URB1: variants seen among roughly 807,000 people sequenced by gnomAD.
The protein encoded by URB1 is nucleolar pre-ribosomal-associated protein 1.
Under a neutral mutation model 242.3 loss-of-function variants are expected in URB1, and 197 were observed. The ratio of observed to expected loss-of-function variants is 0.81; its 90% CI spans 0.72 to 0.91. URB1 has a LOEUF of 0.91. URB1 is among the 40% of genes least tolerant of loss of function. The pLI is 0.00. For missense variants in URB1, 2,721 were observed against 2,860.5 expected, an observed-to-expected ratio of 0.95 and a Z score of 1.11; for synonymous variants, 1,153 against 1,201.8, an observed-to-expected ratio of 0.96 and a Z score of 0.84.
Position 32,392,878 on chromosome 21 carries a change from G to C in URB1, c.33C>G (p.Gly11=), listed in dbSNP as rs2146062873. The change falls in exon 1 of 39, where the codon GGC becomes GGG. Residue 11 remains glycine (G), a synonymous_variant. Coordinates refer to ENST00000382751, the MANE Select transcript of URB1 (RefSeq NM_014825.3). ...CCGCGGAGGAAGCCGCGCCGTCCTG[G>C]CCGCCCGAGGCCTTCCTCTTGGGGA... MGVPKRKASG[G]QDGAASSAGA... The C allele has an allele frequency of 1.3e-6, 2 of 1,530,636 alleles. No homozygotes were observed. Among genetic ancestry groups the C allele is most frequent in the East Asian group, 4.9e-5 (2 of 40,600 alleles). The allele number at this position is 1,530,636 out of a possible 1,614,324, so 94.8% of individuals were successfully genotyped here. A position where few individuals can be genotyped will look rare whatever the true frequency, so the allele number is the denominator to read the frequency against.
rs2033549349 is a variant in URB1, at chr21:32,383,493, TG to T, written c.495del (p.Arg166GlyfsTer9). ...AAATCAAAATGGCTGCAGACGTCCC[TG>T]GCAGCTTCCGGACCCTGGGTCACCA... is the stretch of plus-strand genomic sequence containing the variant. ...TAMVTQGPEA[A>X]RDVCSHFDLN... On this transcript the variant is annotated frameshift_variant, in exon 4 of 39. Transcript: ENST00000382751. LOFTEE classifies it high-confidence loss of function. 6.4e-7 allele frequency: 1 copy of T among 1,551,548 alleles called. No individual in the cohort carries two copies. The highest frequency in any genetic ancestry group is 2.0e-5 in the Admixed American group (1 of 50,976).
At chr21:32,368,723 T>A (rs773295698) in intron 8 of URB1, 125 bp from the exon 9 acceptor site, 14 of 821,388 alleles carry the variant, frequency 1.7e-5, no homozygotes, top group Non-Finnish European at 2.4e-5. Flanking sequence ...CGTAGGGAAT[T>A]TCCCCCAGGA....
At chr21:32,354,131 GATGT>G in intron 17 of URB1, 28 bp from the exon 18 acceptor site, 1 of 1,550,832 alleles carries the variant, frequency 6.4e-7, no homozygotes, top group Non-Finnish European at 8.7e-7. Context: ...GAATCCAGCT[GATGT>G]GAGAGCCACT....
At chr21:32,326,276 T>G (rs2032828395) in intron 30 of URB1, among the ~76,000 whole-genome samples, 1 of 152,190 alleles carries the variant, frequency 6.6e-6, no homozygotes, top group Non-Finnish European at 1.5e-5. Flanking sequence ...GTTCTCGAGA[T>G]AGAGTGACCA....
At chr21:32,347,866 G>C (rs1334567677) in intron 21 of URB1, 55 bp from the exon 22 acceptor site, 12 of 1,471,274 alleles carry the variant, frequency 8.2e-6, no homozygotes, top group Non-Finnish European at 1.1e-5. Context: ...CTAAGACAGG[G>C]GCGGCAGCTG....
intron 10 of URB1, among the ~76,000 whole-genome samples, chr21:32,364,859 CATA>C (rs1341510321): frequency 6.6e-6 from 1 of 152,130 alleles, no homozygotes; most frequent in Admixed American, 6.5e-5. Flanking sequence ...GTCTCACTTA[CATA>C]AAAACACAGT....
intron 15 of URB1, among the ~76,000 whole-genome samples, chr21:32,356,381 G>C (rs758165168): frequency 6.6e-6 from 1 of 152,148 alleles, no homozygotes; most frequent in African/African-American, 2.4e-5. Flanking sequence ...GACAGAGCGA[G>C]AGCCTGTCTC....
chr21:32,392,775 C>G lies in URB1; in HGVS notation c.136G>C (p.Gly46Arg). 6.8e-7 allele frequency: 1 copy of G among 1,480,642 alleles called. No homozygotes were observed. The highest frequency in any genetic ancestry group is 9.0e-7 in the Non-Finnish European group (1 of 1,114,834). 91.7% of individuals were successfully genotyped at this position (1,480,642 alleles called of 1,614,324 possible). A position where few individuals can be genotyped will look rare whatever the true frequency, so the allele number is the denominator to read the frequency against. ...KAQLKDPQGP[G>R]PGLEAFVSAA... ...CCTGCCGCCCCGGACTCACCTGGCC[C>G]GGGGCCCTGCGGGTCCTTCAGCTGA... Residue 46 changes from glycine to arginine, a missense_variant, in exon 1 of 39, where the codon GGG becomes CGG. Coordinates refer to ENST00000382751, the MANE Select transcript of URB1 (RefSeq NM_014825.3).
intron 30 of URB1, among the ~76,000 whole-genome samples, chr21:32,332,700 G>C (rs931474394): frequency 6.6e-6 from 1 of 151,790 alleles, no homozygotes; most frequent in Non-Finnish European, 1.5e-5. Context: ...TAAGCCACAG[G>C]ATGTTCAACA....
At chr21:32,361,246 A>G (rs1333324624) in intron 12 of URB1, 123 bp from the exon 13 acceptor site, 1 of 733,014 alleles carries the variant, frequency 1.4e-6, no homozygotes, top group Non-Finnish European at 2.1e-6. Context: ...TTTGTCCTTG[A>G]GCAGCTGAAC....
intron 30 of URB1, among the ~76,000 whole-genome samples, chr21:32,330,401 G>T (rs1182953788): frequency 1.3e-5 from 2 of 150,886 alleles, no homozygotes; most frequent in Non-Finnish European, 2.9e-5. Context: ...GAAATTTAAG[G>T]TAAGGAAACT....
chr21:32,338,587 T>A, intron 26 of URB1, 120 bp downstream of exon 26: 1 of 1,124,390 alleles, frequency 8.9e-7, no homozygotes, highest in Non-Finnish European at 1.3e-6. Flanking sequence ...TCTGACACTG[T>A]CTTGGCAATG....
At chr21:32,315,707 A>T (rs2032671825) in intron 38 of URB1, among the ~76,000 whole-genome samples, 1 of 152,238 alleles carries the variant, frequency 6.6e-6, no homozygotes, top group African/African-American at 2.4e-5. Context: ...TTTGAGAAGA[A>T]CTTCCCAGAA....
At chr21:32,320,686 T>C in intron 34 of URB1, 46 bp from the exon 35 acceptor site, 1 of 1,346,912 alleles carries the variant, frequency 7.4e-7, no homozygotes, top group East Asian at 2.5e-5. Flanking sequence ...GAAAACCCAC[T>C]TTACTTGATT....
chr21:32,332,678 G>A (rs1423619690), intron 30 of URB1, among the ~76,000 whole-genome samples: 2 of 151,538 alleles, frequency 1.3e-5, no homozygotes. Flanking sequence ...AAGAGGATGT[G>A]CAGATAGCAA....
intron 24 of URB1, among the ~76,000 whole-genome samples, chr21:32,342,469 TTTTTTTC>T (rs1205637837): frequency 2.0e-5 from 3 of 152,146 alleles, no homozygotes; most frequent in Non-Finnish European, 4.4e-5. Context: ...TCGTGACTTT[TTTTTTTC>T]TTTTTTAAAA....
At chr21:32,366,251 T>G (rs1277002034) in intron 10 of URB1, among the ~76,000 whole-genome samples, 1 of 152,160 alleles carries the variant, frequency 6.6e-6, no homozygotes, top group East Asian at 1.9e-4. Flanking sequence ...TGTCTGGAAA[T>G]TCTAAACTAA....
Position 32,352,616 on chromosome 21 carries a change from T to G in URB1, c.2613+94A>C. The G allele has an allele frequency of 4.8e-6, 7 of 1,457,390 alleles. No individual in the cohort carries two copies. In the South Asian group the frequency reaches 7.5e-5, roughly 16 times the overall value. 90.3% of individuals were successfully genotyped at this position (1,457,390 alleles called of 1,614,324 possible). On this transcript the variant is annotated intron_variant, in intron 19 of 38. Transcript: ENST00000382751. ...AAGAAATTTCACCCTGCAGGCTGTC[T>G]GGCTACCCAACTGCACAGCTGTGGC... is the stretch of plus-strand genomic sequence containing the variant.
Position 32,322,159 on chromosome 21 carries a change from A to AT in URB1, c.5341-216dup, listed in dbSNP as rs370284400. Among the ~76,000 whole-genome samples the AT allele has an allele frequency of 9.3e-4, 141 of 152,372 alleles. No homozygotes were observed. The East Asian group carries it at 0.02, about 22-fold the overall frequency. ...AGTCAAGTTTAAATACTGAAGTCAG[A>AT]TAAGTATTCTATAAAAGAATATTTA... On this transcript the variant is annotated intron_variant, in intron 33 of 38. Transcript: ENST00000382751.
Sources: allele counts gnomAD v4.1 joint callset (sites outside exome capture counted in the v4.1 genomes callset), GRCh38; gene constraint gnomAD v4.1.1; transcripts MANE v1.5; gene names NCBI Gene and HGNC (gene_info 2026-07-23, HGNC 2026-07-21).